PLEKHD1: variants seen among roughly 807,000 people sequenced by gnomAD.
The protein encoded by PLEKHD1 is pleckstrin homology and coiled-coil domain containing D1, also known as pleckstrin homology domain-containing family D member 1.
In PLEKHD1, 51 loss-of-function variants were observed where a neutral mutation model predicts 69.2. The ratio of observed to expected loss-of-function variants is 0.74; its 90% confidence interval spans 0.59 to 0.93. The LOEUF is 0.93. Ranked by LOEUF, PLEKHD1 falls within the 40% of genes least tolerant of loss-of-function variation. The pLI is 0.00. For synonymous variants in PLEKHD1, 236 were observed against 244.7 expected (o/e 0.96, Z 0.33); for missense variants, 584 against 641.0 (o/e 0.91, Z 0.96).
intron 6 of PLEKHD1, among the ~76,000 whole-genome samples, chr14:69,508,922 G>T (rs537038391): frequency 6.6e-6 from 1 of 152,326 alleles, no homozygotes; most frequent in East Asian, 1.9e-4. Flanking sequence ...CCTTTTGGTG[G>T]CAGGTGTGTA....
At chr14:69,475,324 A>G in the PLEKHD1 span, among the ~76,000 whole-genome samples, 1 of 152,206 alleles carries the variant, frequency 6.6e-6, no homozygotes, top group Non-Finnish European at 1.5e-5. Context: ...TAATTCATGC[A>G]TCACCCACAA....
At chr14:69,489,602 T>A (rs1391139912) in intron 1 of PLEKHD1, among the ~76,000 whole-genome samples, 9 of 123,478 alleles carry the variant, frequency 7.3e-5, no homozygotes, top group South Asian at 2.7e-4. Context: ...AGAAAGTGAA[T>A]CTAAGCTTAG....
chr14:69,520,403 T>C (rs1028720366), intron 6 of PLEKHD1, among the ~76,000 whole-genome samples: 5 of 152,102 alleles, frequency 3.3e-5, no homozygotes, highest in African/African-American at 1.2e-4. Flanking sequence ...GAATGAATAA[T>C]ATAGGGAGTT....
At chr14:69,478,916 C>T in the PLEKHD1 span, among the ~76,000 whole-genome samples, 648 of 152,322 alleles carry the variant, frequency 4.3e-3, 3 homozygotes, top group African/African-American at 0.015. Context: ...CCCTACTCTA[C>T]TGGTACAAAC....
At position 69,487,224 on chromosome 14, in the gene PLEKHD1, C is replaced by CAT. The variant is rs71305859; in HGVS notation, c.149+2110_149+2111insAT. Among the ~76,000 whole-genome samples, 12 of 150,918 alleles carry CAT rather than the reference C, an allele frequency of 8.0e-5. No homozygotes were observed. In the South Asian group the frequency reaches 2.1e-3, roughly 27 times the overall value. ...ACACACACACACACACACACACACACGCTATTTAGTCTTGGGTCAGTGACA... is the reference window on the plus strand; with the variant it reads ...ACACACACACACACACACACACACACATGCTATTTAGTCTTGGGTCAGTGACA... On this transcript the variant is annotated intron_variant, in intron 1 of 12. Transcript: ENST00000322564.
At chr14:69,474,452 TACC>T in the PLEKHD1 span, among the ~76,000 whole-genome samples, 1 of 152,206 alleles carries the variant, frequency 6.6e-6, no homozygotes, top group African/African-American at 2.4e-5. Flanking sequence ...TTGCCTCCTT[TACC>T]AAATGCAAAT....
chr14:69,502,670 C>A lies in PLEKHD1; in HGVS notation c.503-157C>A, dbSNP rs1883056213. On this transcript the variant is annotated intron_variant, in intron 5 of 12. Transcript: ENST00000322564. ...GGAAGGAGGGTGGCAGCTTCCATCACCAGGAGCTGGCCCACCCTCTGGCTG... is the reference window on the plus strand; with the variant it reads ...GGAAGGAGGGTGGCAGCTTCCATCAACAGGAGCTGGCCCACCCTCTGGCTG... 4.9e-6 allele frequency: 4 copies of A among 817,150 alleles called. No individual in the cohort carries two copies. In the South Asian group the frequency reaches 5.1e-5, roughly 11 times the overall value. The allele number at this position is 817,150 out of a possible 1,614,324, so 50.6% of individuals were successfully genotyped here.
chr14:69,490,187 A>G (rs954112857), intron 1 of PLEKHD1, among the ~76,000 whole-genome samples: 8 of 152,060 alleles, frequency 5.3e-5, no homozygotes, highest in African/African-American at 1.7e-4. Flanking sequence ...GCAGTCCCCA[A>G]CGTTTTTGGC....
rs563455409 is a variant in PLEKHD1 at position 69,518,511 on chromosome 14, G to C, written c.556-3772G>C. Among the ~76,000 whole-genome samples the C allele has an allele frequency of 2.0e-5, 3 of 152,254 alleles. No homozygotes were observed. In the South Asian group the frequency reaches 6.2e-4, roughly 32 times the overall value. On this transcript the variant is annotated intron_variant, in intron 6 of 12. Transcript: ENST00000322564. ...GAATTATAAGAAAAAATCTCACTGA[G>C]GTTTTTACTGGAATTGCATTGAGCT...
rs935989868 is a variant in PLEKHD1, at chr14:69,531,113, ACT to A, written c.*2697_*2698del. 4 of 151,650 alleles carry A rather than the reference ACT, an allele frequency of 2.6e-5. No individual in the cohort carries two copies. Among genetic ancestry groups the A allele is most frequent in the South Asian group, 2.1e-4 (1 of 4,798 alleles). 9.4% of individuals were successfully genotyped at this position (151,650 alleles called of 1,614,324 possible). On this transcript the variant is annotated 3_prime_UTR_variant, in exon 13 of 13. Transcript: ENST00000322564. ...CTCCAGCCTGGGCAACATGAGTGAA[ACT>A]CTGTCTCAGAAAAAAAAAAAAGGTC...
chr14:69,501,927 G>A (rs779167654), intron 5 of PLEKHD1, 102 bp downstream of exon 5: 6 of 1,072,862 alleles, frequency 5.6e-6, no homozygotes, highest in South Asian at 1.6e-5. Flanking sequence ...GGTCTCTCAG[G>A]TGGGGCTATG....
intron 12 of PLEKHD1, 53 bp from the exon 13 acceptor site, chr14:69,528,197 G>A: frequency 6.5e-7 from 1 of 1,543,460 alleles, no homozygotes; most frequent in East Asian, 2.4e-5. Context: ...ACAGGGCCAG[G>A]CCTTCGTGGA....
Position 69,501,996 on chromosome 14 carries a change from G to A in PLEKHD1, c.502+171G>A, listed in dbSNP as rs1883040704. ...TTCCTGGTACACTACGCATCCTTTT[G>A]GCCAACATGACTGAAGGCAGGAGCG... On this transcript the variant is annotated intron_variant, in intron 5 of 12. Coordinates refer to ENST00000322564, the MANE Select transcript of PLEKHD1 (RefSeq NM_001161498.2). The A allele has an allele frequency of 1.4e-5, 8 of 556,098 alleles. No homozygotes were observed. In the East Asian group the frequency reaches 1.9e-4, roughly 13 times the overall value. 34.4% of individuals were successfully genotyped at this position (556,098 alleles called of 1,614,324 possible).
intron 1 of PLEKHD1, among the ~76,000 whole-genome samples, chr14:69,486,945 G>A (rs1353398485): frequency 6.6e-6 from 1 of 152,192 alleles, no homozygotes; most frequent in Non-Finnish European, 1.5e-5. Context: ...ATCCACTACC[G>A]TGGCCCCCAA....
At chr14:69,474,391 G>A in the PLEKHD1 span, among the ~76,000 whole-genome samples, 1 of 152,314 alleles carries the variant, frequency 6.6e-6, no homozygotes, top group Non-Finnish European at 1.5e-5. Context: ...TCGCGACCAT[G>A]GGCCAGAGCT....
intron 2 of PLEKHD1, 71 bp downstream of exon 2, chr14:69,500,279 G>T (rs973660571): frequency 7.8e-7 from 1 of 1,278,860 alleles, no homozygotes; most frequent in Non-Finnish European, 1.1e-6. Flanking sequence ...CATCTTGTGA[G>T]GGGAGGGGAC....
chr14:69,510,023 A>T (rs1883236636), intron 6 of PLEKHD1, among the ~76,000 whole-genome samples: 2 of 151,298 alleles, frequency 1.3e-5, no homozygotes, highest in African/African-American at 4.8e-5. Context: ...TTATGTTAGT[A>T]TGTTTCCGAG....
chr14:69,514,002 T>G (rs2139519441), intron 6 of PLEKHD1, among the ~76,000 whole-genome samples: 1 of 152,320 alleles, frequency 6.6e-6, no homozygotes, highest in East Asian at 1.9e-4. Flanking sequence ...TCTTCTGGCT[T>G]CTTAAGATAT....
At chr14:69,494,381 G>A (rs1314537836) in intron 1 of PLEKHD1, among the ~76,000 whole-genome samples, 1 of 152,162 alleles carries the variant, frequency 6.6e-6, no homozygotes, top group African/African-American at 2.4e-5. Context: ...TCCTGGTCAG[G>A]AGCTGGATGG....
Sources: gnomAD v4.1 joint callset for allele counts (sites outside exome capture counted in the v4.1 genomes callset) on GRCh38, gnomAD v4.1.1 for gene constraint, MANE v1.5 for transcripts, NCBI Gene and HGNC (gene_info 2026-07-23, HGNC 2026-07-21) for gene names.